Variants in ICA1 observed in about 807,000 individuals in gnomAD.
ICA1 encodes the protein 69 kDa islet cell autoantigen.
In ICA1, 40 loss-of-function variants were observed where a neutral mutation model predicts 71.0. The observed-to-expected ratio is 0.56, with a 90% CI of 0.44 to 0.73. The LOEUF (loss-of-function observed/expected upper bound fraction) is 0.73. ICA1 is among the 30% of genes least tolerant of loss of function. The probability of loss-of-function intolerance (pLI) is 0.00; values close to 1 mark genes in which losing one functional copy is unlikely to be tolerated. For missense variants in ICA1, 578 were observed against 576.5 expected, an observed-to-expected ratio of 1.00 and a Z score of -0.03; for synonymous variants, 207 against 209.5, an observed-to-expected ratio of 0.99 and a Z score of 0.10.
rs77713486 is a variant in ICA1, at chr7:8,235,305, A to C, written c.17+605T>G. Among the ~76,000 whole-genome samples the C allele has an allele frequency of 3.9e-3, 594 of 152,328 alleles. 5 individuals carry two copies. Among genetic ancestry groups the C allele is most frequent in the South Asian group, 0.019 (92 of 4,824 alleles). On this transcript the variant is annotated intron_variant, in intron 2 of 13. Coordinates refer to ENST00000402384, the MANE Select transcript of ICA1 (RefSeq NM_001136020.3). Reference sequence around the variant, plus strand: ...GGGTCATGGGTTCAAAAGAATTTGGAAACACTGCTTGAAGAGCTCTGGACC... The same window carrying C: ...GGGTCATGGGTTCAAAAGAATTTGGCAACACTGCTTGAAGAGCTCTGGACC...
intron 13 of ICA1, among the ~76,000 whole-genome samples, chr7:8,124,440 G>A (rs1256054831): frequency 6.8e-6 from 1 of 147,626 alleles, no homozygotes; most frequent in Admixed American, 6.7e-5. Flanking sequence ...GATTTTCTAG[G>A]CCATGAATGC....
intron 6 of ICA1, among the ~76,000 whole-genome samples, chr7:8,198,228 T>TA (rs1374403586): frequency 6.6e-6 from 1 of 152,244 alleles, no homozygotes; most frequent in Non-Finnish European, 1.5e-5. Flanking sequence ...TGTGGACTTC[T>TA]ATTCTCTTTC....
intron 8 of ICA1, among the ~76,000 whole-genome samples, chr7:8,146,126 G>T (rs922194897): frequency 3.3e-5 from 5 of 152,104 alleles, no homozygotes; most frequent in African/African-American, 7.2e-5. Flanking sequence ...GGTGCTGTTG[G>T]GTGCTTTGGA....
At chr7:8,118,904 C>T (rs973349985) in intron 13 of ICA1, among the ~76,000 whole-genome samples, 1 of 152,158 alleles carries the variant, frequency 6.6e-6, no homozygotes, top group Non-Finnish European at 1.5e-5. Context: ...AATTCAAGCT[C>T]ACGAGCCAAT....
At chr7:8,214,360 T>C (rs1177126012) in intron 6 of ICA1, among the ~76,000 whole-genome samples, 1 of 152,236 alleles carries the variant, frequency 6.6e-6, no homozygotes, top group Admixed American at 6.5e-5. Flanking sequence ...TTACTCTGCC[T>C]TCAAAGAGCA....
chr7:8,244,730 C>A lies in ICA1; in HGVS notation c.-79-8725G>T, dbSNP rs1805311605. ...TTTACAAGAAAAAAGCAAACAACCC[C>A]ATCAAAAAGTGGGCAAAGGATATGA... On this transcript the variant is annotated intron_variant, in intron 1 of 13. Coordinates refer to ENST00000402384, the MANE Select transcript of ICA1 (RefSeq NM_001136020.3). Among the ~76,000 whole-genome samples, 3 of 152,230 alleles carry A rather than the reference C, an allele frequency of 2.0e-5. No homozygotes were observed. In the South Asian group the frequency reaches 6.2e-4, roughly 32 times the overall value.
intron 13 of ICA1, among the ~76,000 whole-genome samples, chr7:8,120,239 T>G (rs757764956): frequency 4.6e-5 from 7 of 152,214 alleles, no homozygotes; most frequent in Non-Finnish European, 8.8e-5. Context: ...CTCCGAACAA[T>G]TATTAAGCAT....
At chr7:8,145,062 T>C (rs1796424431) in intron 8 of ICA1, among the ~76,000 whole-genome samples, 1 of 152,220 alleles carries the variant, frequency 6.6e-6, no homozygotes, top group African/African-American at 2.4e-5. Flanking sequence ...AGATGGATAC[T>C]GGTGTCACAC....
At chr7:8,116,308 A>G (rs1784780238) in intron 13 of ICA1, 1 of 152,228 alleles carries the variant, frequency 6.6e-6, no homozygotes, top group Non-Finnish European at 1.5e-5. Context: ...GGGGATTGAC[A>G]TTGCTCTCTG....
At chr7:8,259,768 A>C (rs1811578179) in intron 1 of ICA1, among the ~76,000 whole-genome samples, 1 of 152,196 alleles carries the variant, frequency 6.6e-6, no homozygotes, top group Non-Finnish European at 1.5e-5. Context: ...TGAGTCCTCC[A>C]TACTCCCTCA....
rs546223244 is a variant in ICA1 at position 8,255,255 on chromosome 7, CT to C, written c.-80+6838del. On this transcript the variant is annotated intron_variant, in intron 1 of 13. Transcript: ENST00000402384. ...GTTCTAAGCCCATGCTCTCTGGTTC[CT>C]TTCTCCACCAGCCCAGAGAACATCT... Among the ~76,000 whole-genome samples, 848 of 152,290 alleles carry C rather than the reference CT, an allele frequency of 5.6e-3. 3 individuals are homozygous for C. The highest frequency in any genetic ancestry group is 7.7e-3 in the Non-Finnish European group (523 of 68,010).
At chr7:8,249,518 C>T (rs772729934) in intron 1 of ICA1, among the ~76,000 whole-genome samples, 3 of 152,170 alleles carry the variant, frequency 2.0e-5, no homozygotes, top group African/African-American at 4.8e-5. Flanking sequence ...ATTTCACACT[C>T]GGTGGGCACC....
At chr7:8,178,997 G>T (rs1055770406) in intron 6 of ICA1, among the ~76,000 whole-genome samples, 1 of 152,096 alleles carries the variant, frequency 6.6e-6, no homozygotes, top group Non-Finnish European at 1.5e-5. Context: ...CTCTACAATG[G>T]AATCTGAGCA....
At chr7:8,124,771 T>TG (rs1403271194) in intron 13 of ICA1, among the ~76,000 whole-genome samples, 1 of 147,792 alleles carries the variant, frequency 6.8e-6, no homozygotes, top group Non-Finnish European at 1.5e-5. Flanking sequence ...GTACAGTAGT[T>TG]ACAAGTTAAC....
At chr7:8,209,945 A>G (rs991820410) in intron 6 of ICA1, among the ~76,000 whole-genome samples, 1 of 151,984 alleles carries the variant, frequency 6.6e-6, no homozygotes, top group Non-Finnish European at 1.5e-5. Context: ...GAGAGGCGGG[A>G]GGGAAATTAT....
At chr7:8,202,410 ATTGCTTAG>A (rs770823143) in intron 6 of ICA1, among the ~76,000 whole-genome samples, 3 of 152,182 alleles carry the variant, frequency 2.0e-5, no homozygotes, top group Non-Finnish European at 4.4e-5. Context: ...ATTCATGTAA[ATTGCTTAG>A]AACTGTAGCT....
intron 6 of ICA1, among the ~76,000 whole-genome samples, chr7:8,186,273 A>G (rs1783893882): frequency 6.6e-6 from 1 of 152,220 alleles, no homozygotes; most frequent in Admixed American, 6.5e-5. Flanking sequence ...CTCTGAGTGA[A>G]GAGGGCATCA....
chr7:8,204,145 C>T (rs1009276293), intron 6 of ICA1, among the ~76,000 whole-genome samples: 7 of 152,096 alleles, frequency 4.6e-5, no homozygotes, highest in African/African-American at 7.2e-5. Context: ...GTTCAGAGGA[C>T]GTGGCATGTG....
chr7:8,232,553 G>T, intron 3 of ICA1, 37 bp downstream of exon 3: 1 of 1,565,120 alleles, frequency 6.4e-7, no homozygotes, highest in South Asian at 1.2e-5. Flanking sequence ...TCCTAGCAAG[G>T]TGGCTGTGTT....
Sources: gnomAD v4.1 joint callset for allele counts (sites outside exome capture counted in the v4.1 genomes callset) on GRCh38, gnomAD v4.1.1 for gene constraint, MANE v1.5 for transcripts, NCBI Gene and HGNC (gene_info 2026-07-23, HGNC 2026-07-21) for gene names.